The following PDE3A variants were observed in gnomAD, a reference collection of about 807,000 sequenced individuals.
PDE3A encodes cGMP-inhibited 3',5'-cyclic phosphodiesterase 3A.
Under a neutral mutation model 98.3 loss-of-function variants are expected in PDE3A, and 43 were observed. The observed-to-expected ratio is 0.44, with a 90% confidence interval of 0.34 to 0.56. The LOEUF (loss-of-function observed/expected upper bound fraction) is 0.56. PDE3A is among the 20% of genes least tolerant of loss of function. The probability of loss-of-function intolerance (pLI) is 0.01; values close to 1 mark genes in which losing one functional copy is unlikely to be tolerated. For missense variants in PDE3A, 1,427 were observed against 1,440.7 expected (o/e 0.99, Z 0.15); for synonymous variants, 663 against 567.9 (o/e 1.17, Z -2.38).
At chr12:20,578,811 G>T (rs1385911959) in intron 2 of PDE3A, among the ~76,000 whole-genome samples, 1 of 152,150 alleles carries the variant, frequency 6.6e-6, no homozygotes, top group African/African-American at 2.4e-5. Flanking sequence ...GCATTGGAAA[G>T]GATGCCGTCC....
chr12:20,469,468 TCC>T (rs1486971710), intron 1 of PDE3A, among the ~76,000 whole-genome samples: 1 of 152,312 alleles, frequency 6.6e-6, no homozygotes, highest in East Asian at 1.9e-4. Context: ...CTTTCTAGCC[TCC>T]CACTCTCTAA....
At chr12:20,566,920 A>G (rs1942673766) in intron 2 of PDE3A, among the ~76,000 whole-genome samples, 1 of 151,924 alleles carries the variant, frequency 6.6e-6, no homozygotes, top group South Asian at 2.1e-4. Context: ...AACTTTGGTG[A>G]CATTTCTCTT....
chr12:20,614,176 A>T (rs1943942390), intron 3 of PDE3A, among the ~76,000 whole-genome samples: 1 of 152,044 alleles, frequency 6.6e-6, no homozygotes, highest in Non-Finnish European at 1.5e-5. Context: ...TGAACCCAGA[A>T]CAGTTTTAGT....
intron 1 of PDE3A, among the ~76,000 whole-genome samples, chr12:20,465,884 A>G (rs1945333163): frequency 6.6e-6 from 1 of 152,236 alleles, no homozygotes; most frequent in Admixed American, 6.5e-5. Flanking sequence ...GGGAAGTGTT[A>G]TAAATAATAC....
At chr12:20,492,434 GC>G (rs1945845299) in intron 1 of PDE3A, among the ~76,000 whole-genome samples, 5 of 152,098 alleles carry the variant, frequency 3.3e-5, no homozygotes, top group African/African-American at 1.2e-4. Context: ...CACAGTCTGG[GC>G]AGGAAATAGA....
At position 20,648,759 on chromosome 12, in the gene PDE3A, C is replaced by T; in HGVS notation, c.2637C>T (p.Ser879=). The change falls in exon 13 of 16, where the codon TCC becomes TCT. Residue 879 remains serine, a synonymous_variant. Coordinates refer to ENST00000359062, the MANE Select transcript of PDE3A (RefSeq NM_000921.5). ...HAAAAWNLFM[S]RPEYNFLINL... ...CTGCTGCATGGAATCTTTTCATGTC[C>T]CGGCCAGAGTATAACTTCTTAATTA... 6.2e-7 allele frequency: 1 copy of T among 1,612,638 alleles called. No homozygotes were observed.
At chr12:20,602,159 C>T (rs1943607979) in intron 2 of PDE3A, among the ~76,000 whole-genome samples, 1 of 152,192 alleles carries the variant, frequency 6.6e-6, no homozygotes, top group African/African-American at 2.4e-5. Flanking sequence ...TTAACCAAGC[C>T]TTCCCACATT....
chr12:20,469,696 A>C (rs1945403399), intron 1 of PDE3A, among the ~76,000 whole-genome samples: 1 of 152,224 alleles, frequency 6.6e-6, no homozygotes, highest in Non-Finnish European at 1.5e-5. Flanking sequence ...AAGACATTGC[A>C]TACTGTCTAG....
chr12:20,496,138 A>C (rs751633125), intron 1 of PDE3A, among the ~76,000 whole-genome samples: 2 of 152,196 alleles, frequency 1.3e-5, no homozygotes, highest in Admixed American at 6.5e-5. Flanking sequence ...CTTACTCAAG[A>C]AATCATGTGC....
At chr12:20,496,379 G>T (rs941740608) in intron 1 of PDE3A, among the ~76,000 whole-genome samples, 8 of 152,214 alleles carry the variant, frequency 5.3e-5, no homozygotes, top group Middle Eastern at 6.8e-3. Flanking sequence ...TTACCATTAT[G>T]CTCCTTAGAA....
chr12:20,404,826 GTTT>G lies in PDE3A; in HGVS notation c.960+34602_960+34604del, dbSNP rs60736941. 9.6e-3 allele frequency among the ~76,000 whole-genome samples: 908 copies of G among 95,072 alleles called. 2 individuals are homozygous for G. The highest frequency in any genetic ancestry group is 0.035 in the African/African-American group (853 of 24,578). 62.4% of individuals were successfully genotyped at this position (95,072 alleles called of 152,430 possible). A position where few individuals can be genotyped will look rare whatever the true frequency, so the allele number is the denominator to read the frequency against. The stretch of plus-strand genomic sequence containing the variant: ...ATTCCACACATGTGTAGGTTACAGA[GTTT>G]TTTTTTTTTTTTTTTTTTTGAGCAG... On this transcript the variant is annotated intron_variant, in intron 1 of 15. Transcript: ENST00000359062.
chr12:20,461,592 A>G (rs1945254265), intron 1 of PDE3A, among the ~76,000 whole-genome samples: 1 of 152,192 alleles, frequency 6.6e-6, no homozygotes, highest in African/African-American at 2.4e-5. Flanking sequence ...GCTTATCTAG[A>G]AAAATTAGAT....
At chr12:20,672,306 C>T (rs1343305999) in intron 15 of PDE3A, among the ~76,000 whole-genome samples, 1 of 143,644 alleles carries the variant, frequency 7.0e-6, no homozygotes, top group African/African-American at 2.6e-5. Context: ...CCATCCCCAT[C>T]AAGCTACCAA....
chr12:20,375,804 G>A (rs1169063563), intron 1 of PDE3A, among the ~76,000 whole-genome samples: 1 of 151,944 alleles, frequency 6.6e-6, no homozygotes, highest in East Asian at 1.9e-4. Context: ...AAATATCTTA[G>A]ATAATGGAGA....
intron 1 of PDE3A, among the ~76,000 whole-genome samples, chr12:20,417,772 G>A (rs1370926747): frequency 6.6e-6 from 1 of 152,118 alleles, no homozygotes; most frequent in African/African-American, 2.4e-5. Context: ...ATAAAAGCAG[G>A]TATTTGTTGA....
intron 1 of PDE3A, among the ~76,000 whole-genome samples, chr12:20,527,215 T>C (rs1204850147): frequency 6.6e-6 from 1 of 152,110 alleles, no homozygotes; most frequent in African/African-American, 2.4e-5. Context: ...TTTTTTTGTT[T>C]TGTTTTTGTT....
chr12:20,619,096 G>A (rs1944075079), intron 4 of PDE3A, among the ~76,000 whole-genome samples: 1 of 152,006 alleles, frequency 6.6e-6, no homozygotes, highest in Non-Finnish European at 1.5e-5. Flanking sequence ...GGACAGCGAT[G>A]AAAAGCTGAA....
At chr12:20,615,044 C>T (rs1396092762) in intron 3 of PDE3A, among the ~76,000 whole-genome samples, 39 of 84,482 alleles carry the variant, frequency 4.6e-4, no homozygotes, top group African/African-American at 1.6e-3. Context: ...TTTTTTGAGA[C>T]GGAGTCTTAC....
At chr12:20,506,413 C>A (rs1946119932) in intron 1 of PDE3A, among the ~76,000 whole-genome samples, 1 of 151,990 alleles carries the variant, frequency 6.6e-6, no homozygotes, top group Admixed American at 6.6e-5. Flanking sequence ...CCCCCACAAA[C>A]AGAGAATAGA....
Sources: allele counts gnomAD v4.1 joint callset (sites outside exome capture counted in the v4.1 genomes callset), GRCh38; gene constraint gnomAD v4.1.1; transcripts MANE v1.5; gene names NCBI Gene and HGNC (gene_info 2026-07-23, HGNC 2026-07-21).